Variants in GOLIM4 observed in about 807,000 individuals in gnomAD.
The protein encoded by GOLIM4 is 130 kDa golgi-localized phosphoprotein.
GOLIM4 carries 71 observed loss-of-function variants against 107.4 expected under a neutral mutation model. The observed-to-expected ratio is 0.66, with a 90% CI of 0.55 to 0.81. The LOEUF is 0.81. GOLIM4 is among the 30% of genes least tolerant of loss of function. The probability of loss-of-function intolerance (pLI) is 0.00; values close to 1 mark genes in which losing one functional copy is unlikely to be tolerated. For synonymous variants in GOLIM4, 327 were observed against 294.8 expected (o/e 1.11, Z -1.12); for missense variants, 830 against 826.1 (o/e 1.00, Z -0.06).
At chr3:168,037,871 G>A (rs984403035) in intron 7 of GOLIM4, among the ~76,000 whole-genome samples, 2 of 152,210 alleles carry the variant, frequency 1.3e-5, no homozygotes, top group Non-Finnish European at 2.9e-5. Flanking sequence ...CCTGAAAACA[G>A]AAATGTTGTG....
At chr3:168,089,505 A>T (rs370951070) in intron 1 of GOLIM4, among the ~76,000 whole-genome samples, 1 of 152,258 alleles carries the variant, frequency 6.6e-6, no homozygotes, top group Non-Finnish European at 1.5e-5. Flanking sequence ...TATTATCCTG[A>T]TTATTACATA....
intron 1 of GOLIM4, among the ~76,000 whole-genome samples, chr3:168,085,962 A>G (rs1193833777): frequency 6.6e-6 from 1 of 152,150 alleles, no homozygotes; most frequent in African/African-American, 2.4e-5. Context: ...AATTATAGTT[A>G]AAGATTGTAT....
intron 4 of GOLIM4, among the ~76,000 whole-genome samples, chr3:168,044,524 G>A (rs1464122315): frequency 6.6e-6 from 1 of 152,152 alleles, no homozygotes; most frequent in African/African-American, 2.4e-5. Flanking sequence ...AAACCACTGT[G>A]AGAAAGTAAA....
intron 11 of GOLIM4, among the ~76,000 whole-genome samples, chr3:168,028,517 CG>C (rs1246696924): frequency 6.6e-6 from 1 of 152,076 alleles, no homozygotes; most frequent in Non-Finnish European, 1.5e-5. Context: ...AATGATGATA[CG>C]GGGTAACTTA....
chr3:168,045,003 A>G, intron 3 of GOLIM4, 122 bp from the exon 4 acceptor site: 1 of 562,146 alleles, frequency 1.8e-6, no homozygotes. Context: ...AATGAATTCT[A>G]CATTTGAACC....
At chr3:168,030,707 A>G (rs1718281963) in intron 9 of GOLIM4, among the ~76,000 whole-genome samples, 1 of 152,224 alleles carries the variant, frequency 6.6e-6, no homozygotes, top group Non-Finnish European at 1.5e-5. Flanking sequence ...CAAAAAGGCA[A>G]CAACAAACGC....
chr3:168,024,426 C>G (rs559084181), intron 14 of GOLIM4, 100 bp downstream of exon 14: 1 of 913,586 alleles, frequency 1.1e-6, no homozygotes, highest in East Asian at 2.4e-5. Context: ...CTGAACATTT[C>G]TGTGGAAGGC....
chr3:168,046,894 T>C, intron 3 of GOLIM4, 56 bp downstream of exon 3: 1 of 956,148 alleles, frequency 1.0e-6, no homozygotes, highest in Non-Finnish European at 1.6e-6. Flanking sequence ...TCTTTCAAGT[T>C]TTATGAAAAC....
At chr3:168,040,276 A>T (rs960527640) in intron 7 of GOLIM4, among the ~76,000 whole-genome samples, 28 of 152,348 alleles carry the variant, frequency 1.8e-4, no homozygotes, top group African/African-American at 6.7e-4. Context: ...AATGGAGCTT[A>T]TGACTCTTGT....
chr3:168,015,279 T>C (rs1717299043), intron 14 of GOLIM4, among the ~76,000 whole-genome samples: 1 of 143,252 alleles, frequency 7.0e-6, no homozygotes, highest in African/African-American at 2.9e-5. Context: ...ATGAGTGAAC[T>C]CCCATTCACA....
intron 1 of GOLIM4, among the ~76,000 whole-genome samples, chr3:168,090,002 A>C (rs887793195): frequency 6.6e-6 from 1 of 152,160 alleles, no homozygotes; most frequent in Non-Finnish European, 1.5e-5. Context: ...TCCTGATCTC[A>C]AGTGATCCAC....
intron 12 of GOLIM4, among the ~76,000 whole-genome samples, chr3:168,026,228 A>C (rs938241673): frequency 6.7e-6 from 1 of 148,628 alleles, no homozygotes. Flanking sequence ...CCACCTTCAC[A>C]CTAAACTCTA....
At chr3:168,067,942 G>T (rs1010769044) in intron 1 of GOLIM4, among the ~76,000 whole-genome samples, 2 of 151,690 alleles carry the variant, frequency 1.3e-5, no homozygotes, top group Admixed American at 1.3e-4. Context: ...TTCTTTCAGA[G>T]TTTTTTTTAA....
rs1458478533 is a variant in GOLIM4, at chr3:168,095,543, G to A, written c.-258C>T. ...GTTCTCCGCGAATGCCCGGGGCCGG[G>A]AGGAGGCCCTCCGCATACTTCAGAG... On this transcript the variant is annotated 5_prime_UTR_variant, in exon 1 of 16. Coordinates refer to ENST00000470487, the MANE Select transcript of GOLIM4 (RefSeq NM_014498.5). 3 of 469,222 alleles carry A rather than the reference G, an allele frequency of 6.4e-6. No homozygotes were observed. The highest frequency in any genetic ancestry group is 4.3e-5 in the Admixed American group (1 of 23,448). The allele number at this position is 469,222 out of a possible 1,614,324, so 29.1% of individuals were successfully genotyped here.
intron 1 of GOLIM4, among the ~76,000 whole-genome samples, chr3:168,061,377 G>GA (rs1720264587): frequency 6.6e-6 from 1 of 152,178 alleles, no homozygotes; most frequent in Non-Finnish European, 1.5e-5. Flanking sequence ...TAATGGATGT[G>GA]AAAAAGGTAC....
At chr3:168,048,790 C>A (rs1407728747) in intron 1 of GOLIM4, among the ~76,000 whole-genome samples, 1 of 152,172 alleles carries the variant, frequency 6.6e-6, no homozygotes, top group Non-Finnish European at 1.5e-5. Flanking sequence ...AGGGTATTTT[C>A]TCCTAAATAT....
intron 14 of GOLIM4, among the ~76,000 whole-genome samples, chr3:168,012,620 T>C (rs1347061147): frequency 5.5e-5 from 8 of 146,226 alleles, no homozygotes; most frequent in Non-Finnish European, 1.2e-4. Flanking sequence ...AAGGAAAAAA[T>C]GTTAAGGGCA....
intron 1 of GOLIM4, among the ~76,000 whole-genome samples, chr3:168,052,278 T>C (rs1159285255): frequency 6.6e-6 from 1 of 152,062 alleles, no homozygotes; most frequent in Non-Finnish European, 1.5e-5. Context: ...TCAGGCGATC[T>C]CCCCTGAGCC....
chr3:168,011,844 G>C (rs774351140), intron 14 of GOLIM4, among the ~76,000 whole-genome samples: 2,192 of 127,854 alleles, frequency 0.017, 36 homozygotes, highest in Non-Finnish European at 0.027. Context: ...CTGTCTGTTA[G>C]AAGGAAAACT....
Sources: allele counts gnomAD v4.1 joint callset (sites outside exome capture counted in the v4.1 genomes callset), GRCh38; gene constraint gnomAD v4.1.1; transcripts MANE v1.5; gene names NCBI Gene and HGNC (gene_info 2026-07-23, HGNC 2026-07-21).